MYZAP: variants seen among roughly 807,000 people sequenced by gnomAD.
The protein encoded by MYZAP is GRINL1A complex locus upstream.
MYZAP carries 66 observed loss-of-function variants against 69.4 expected under a neutral mutation model. The observed-to-expected ratio is 0.95, with a 90% confidence interval of 0.78 to 1.17. The LOEUF (loss-of-function observed/expected upper bound fraction) is 1.17, where lower values mean the gene tolerates loss of function less well. Among genes scored for constraint, MYZAP ranks in the 50% most tolerant of loss-of-function variants. The pLI is 0.00. For missense variants in MYZAP, 611 were observed against 556.2 expected (o/e 1.10, Z -0.99); for synonymous variants, 256 against 205.9 (o/e 1.24, Z -2.09).
At chr15:57,683,827 T>G (rs2039556649) in intron 12 of MYZAP, among the ~76,000 whole-genome samples, 1 of 151,178 alleles carries the variant, frequency 6.6e-6, no homozygotes, top group African/African-American at 2.4e-5. Context: ...GGAATTTAGC[T>G]CTTGTTGCCC....
chr15:57,651,489 G>A (rs2037724951), intron 10 of MYZAP, among the ~76,000 whole-genome samples: 1 of 152,154 alleles, frequency 6.6e-6, no homozygotes, highest in East Asian at 1.9e-4. Flanking sequence ...TCCCAGCCCT[G>A]CCAACTCTCC....
At chr15:57,628,351 C>CCTTG (rs1240733976) in intron 5 of MYZAP, among the ~76,000 whole-genome samples, 2 of 152,064 alleles carry the variant, frequency 1.3e-5, no homozygotes, top group African/African-American at 2.4e-5. Flanking sequence ...TTCACTGCAG[C>CCTTG]CTTGACCTCC....
chr15:57,615,145 C>T (rs1271957479), intron 2 of MYZAP, among the ~76,000 whole-genome samples: 1 of 152,144 alleles, frequency 6.6e-6, no homozygotes, highest in Non-Finnish European at 1.5e-5. Context: ...TCAATTCAAA[C>T]ATAATGCTTT....
chr15:57,645,052 C>A (rs1412106457), intron 10 of MYZAP, among the ~76,000 whole-genome samples: 1 of 152,166 alleles, frequency 6.6e-6, no homozygotes, highest in African/African-American at 2.4e-5. Context: ...TCTGTCTGTA[C>A]AGAAGACGTT....
intron 1 of MYZAP, among the ~76,000 whole-genome samples, chr15:57,603,613 C>G (rs2034555718): frequency 6.6e-6 from 1 of 152,192 alleles, no homozygotes; most frequent in South Asian, 2.1e-4. Flanking sequence ...GCTTATTTCA[C>G]TTAGCATAGT....
chr15:57,684,127 C>G (rs1378583188), intron 12 of MYZAP, among the ~76,000 whole-genome samples: 5 of 69,082 alleles, frequency 7.2e-5, no homozygotes, highest in African/African-American at 1.6e-4. Context: ...TAATCCCATT[C>G]ATGAGGGCTC....
intron 8 of MYZAP, among the ~76,000 whole-genome samples, chr15:57,636,776 T>C (rs1440657543): frequency 1.3e-5 from 2 of 152,210 alleles, no homozygotes; most frequent in African/African-American, 2.4e-5. Context: ...AATATACATA[T>C]ATATAGCAAA....
chr15:57,609,262 G>T (rs1299253076), intron 2 of MYZAP, among the ~76,000 whole-genome samples: 2 of 152,178 alleles, frequency 1.3e-5, no homozygotes, highest in Non-Finnish European at 2.9e-5. Context: ...TCCTAGGGCT[G>T]CCACAGCAAA....
rs1454131664 is a variant in MYZAP at position 57,618,065 on chromosome 15, G to A, written c.195G>A (p.Arg65=). ...LLDLSNGEPT[R]KLPQGVVYGV... is the part of the protein sequence containing the mutation. ...ACCTGAGCAATGGAGAACCTACCAG[G>A]AAACTTCCTCAGGGTGTTGTTTATG... The change falls in exon 3 of 13, where the codon AGG becomes AGA. Residue 65 remains arginine, a synonymous_variant. Transcript: ENST00000267853. 1.9e-6 allele frequency: 3 copies of A among 1,613,910 alleles called. No individual in the cohort carries two copies. Among genetic ancestry groups the A allele is most frequent in the Non-Finnish European group, 1.7e-6 (2 of 1,179,988 alleles).
chr15:57,628,307 G>A (rs893389727), intron 5 of MYZAP, among the ~76,000 whole-genome samples: 1 of 152,070 alleles, frequency 6.6e-6, no homozygotes, highest in Non-Finnish European at 1.5e-5. Flanking sequence ...GTCTTGCTCT[G>A]TTGCGCAGGC....
In MYZAP at chr15:57,639,534, A is replaced by G. The variant is rs768010527; in HGVS notation, c.1108A>G (p.Met370Val). 2.5e-6 allele frequency: 4 copies of G among 1,613,656 alleles called. No homozygotes were observed. In the African/African-American group the frequency reaches 4.0e-5, roughly 16 times the overall value. Residue 370 changes from methionine to valine, a missense_variant, in exon 10 of 13, where the codon ATG (methionine) becomes GTG (valine). Met to Val is a conservative substitution (Grantham distance 21). Transcript: ENST00000267853. ...VHCQQKKVKQ[M>V]VEEIESLKKK... ...TTGCCAGCAGAAGAAAGTCAAGCAGATGGTCGAGGAGGTAAGCATCTGCAA... is the reference window on the plus strand; with the variant it reads ...TTGCCAGCAGAAGAAAGTCAAGCAGGTGGTCGAGGAGGTAAGCATCTGCAA...
chr15:57,638,198 T>C (rs1437054475), intron 9 of MYZAP, among the ~76,000 whole-genome samples: 1 of 152,210 alleles, frequency 6.6e-6, no homozygotes, highest in Non-Finnish European at 1.5e-5. Context: ...AGTGAGTATA[T>C]AAAGCCCTAC....
chr15:57,646,985 G>A, intron 10 of MYZAP: 12 of 985,414 alleles, frequency 1.2e-5, no homozygotes, highest in Non-Finnish European at 1.4e-5. Flanking sequence ...AGAACTAGCA[G>A]TAGTAGCTGC....
intron 2 of MYZAP, among the ~76,000 whole-genome samples, chr15:57,610,213 G>T (rs190216807): frequency 1.3e-5 from 2 of 152,146 alleles, no homozygotes; most frequent in African/African-American, 4.8e-5. Context: ...AATGCTGAGT[G>T]AGAGAGAGAG....
At chr15:57,650,165 T>C (rs1314890741) in intron 10 of MYZAP, among the ~76,000 whole-genome samples, 3 of 152,236 alleles carry the variant, frequency 2.0e-5, no homozygotes, top group African/African-American at 4.8e-5. Flanking sequence ...ACTGATTTTT[T>C]TCACGTCGCT....
intron 10 of MYZAP, among the ~76,000 whole-genome samples, chr15:57,641,371 C>G (rs1286678498): frequency 6.6e-6 from 1 of 152,138 alleles, no homozygotes; most frequent in Non-Finnish European, 1.5e-5. Context: ...TACGTACACA[C>G]ATATACATAT....
intron 8 of MYZAP, among the ~76,000 whole-genome samples, chr15:57,636,791 A>G (rs2036843267): frequency 6.6e-6 from 1 of 152,242 alleles, no homozygotes. Context: ...AGCAAAGTGT[A>G]CAAAGTGCAC....
At chr15:57,682,067 G>A (rs1464087275) in intron 12 of MYZAP, among the ~76,000 whole-genome samples, 2 of 152,178 alleles carry the variant, frequency 1.3e-5, no homozygotes, top group Non-Finnish European at 2.9e-5. Flanking sequence ...ACAGATCTTG[G>A]TGGCTTAGCA....
At chr15:57,659,288 T>G (rs1029715297) in intron 10 of MYZAP, among the ~76,000 whole-genome samples, 2 of 152,104 alleles carry the variant, frequency 1.3e-5, no homozygotes, top group Non-Finnish European at 2.9e-5. Flanking sequence ...TCCACCAAGA[T>G]GTCCTGTGTT....
Sources: allele counts gnomAD v4.1 joint callset (sites outside exome capture counted in the v4.1 genomes callset), GRCh38; gene constraint gnomAD v4.1.1; transcripts MANE v1.5; gene names NCBI Gene and HGNC (gene_info 2026-07-23, HGNC 2026-07-21).